Variants in COL23A1 observed in about 807,000 individuals in gnomAD.
COL23A1 encodes collagen type XXIII alpha 1 chain.
Under a neutral mutation model 99.3 loss-of-function variants are expected in COL23A1, and 97 were observed. The observed-to-expected ratio is 0.98, with a 90% CI of 0.83 to 1.16. The LOEUF (loss-of-function observed/expected upper bound fraction) is 1.16, where lower values mean the gene tolerates loss of function less well. Among genes scored for constraint, COL23A1 ranks in the 50% most tolerant of loss-of-function variants. COL23A1 has a pLI of 0.00. For synonymous variants in COL23A1, 320 were observed against 308.2 expected (o/e 1.04, Z -0.40); for missense variants, 762 against 757.4 (o/e 1.01, Z -0.07).
chr5:178,306,407 T>C lies in COL23A1; in HGVS notation c.406+468A>G, dbSNP rs149108982. On this transcript the variant is annotated intron_variant, in intron 3 of 28. Transcript: ENST00000390654. This position sits in a 1 kb window ranked among gnomAD's most constrained non-coding sequence, Gnocchi z 4.1. ...GACAGCAGGAAGGAAGGGTGGTGAATACAGGTGCCTCTGTGGGCTGCAGGG... is the reference window on the plus strand; with the variant it reads ...GACAGCAGGAAGGAAGGGTGGTGAACACAGGTGCCTCTGTGGGCTGCAGGG... Among the ~76,000 whole-genome samples, 24 of 151,404 alleles carry C rather than the reference T, an allele frequency of 1.6e-4. No homozygotes were observed. In the East Asian group the frequency reaches 4.1e-3, roughly 26 times the overall value.
chr5:178,488,116 G>A (rs1277907870), intron 2 of COL23A1, among the ~76,000 whole-genome samples: 1 of 152,176 alleles, frequency 6.6e-6, no homozygotes, highest in East Asian at 1.9e-4. Flanking sequence ...GAGCACTCCG[G>A]GGAGCTATTG....
At chr5:178,296,096 A>T (rs1012725391) in intron 3 of COL23A1, among the ~76,000 whole-genome samples, 3 of 152,244 alleles carry the variant, frequency 2.0e-5, no homozygotes, top group African/African-American at 7.2e-5. Flanking sequence ...CAGTGGCTGG[A>T]GAAAGCTCTG....
intron 1 of COL23A1, among the ~76,000 whole-genome samples, chr5:178,572,072 CAA>C (rs57863132): frequency 6.4e-5 from 7 of 109,436 alleles, no homozygotes; most frequent in Admixed American, 9.6e-5. Context: ...TTTCTCAAAA[CAA>C]AAAAAAAAAA....
intron 2 of COL23A1, among the ~76,000 whole-genome samples, chr5:178,319,032 C>A (rs1259415099): frequency 6.6e-6 from 1 of 152,148 alleles, no homozygotes; most frequent in Admixed American, 6.5e-5. Context: ...GGCAGCAGGA[C>A]TGCTGGTACC....
intron 2 of COL23A1, among the ~76,000 whole-genome samples, chr5:178,348,575 G>T (rs968993188): frequency 4.6e-5 from 7 of 152,216 alleles, no homozygotes; most frequent in African/African-American, 1.7e-4. Context: ...CGGCTTCCCT[G>T]CTAACAAAGT....
intron 5 of COL23A1, among the ~76,000 whole-genome samples, chr5:178,285,297 C>A (rs1319593055): frequency 6.6e-6 from 1 of 152,170 alleles, no homozygotes; most frequent in African/African-American, 2.4e-5. Context: ...CAGACTCTAT[C>A]CTTGCTCTTA....
intron 3 of COL23A1, among the ~76,000 whole-genome samples, chr5:178,292,153 C>G (rs895553328): frequency 6.6e-6 from 1 of 152,160 alleles, no homozygotes; most frequent in African/African-American, 2.4e-5. Context: ...GCAACTATGC[C>G]TATACCTGTA....
chr5:178,483,548 C>T (rs623727), intron 2 of COL23A1, among the ~76,000 whole-genome samples: 5,405 of 152,274 alleles, frequency 0.035, 286 homozygotes, highest in African/African-American at 0.11. Flanking sequence ...TTATGAGTTC[C>T]AGTCTTTAAA....
chr5:178,516,143 C>G (rs922824000), intron 2 of COL23A1, among the ~76,000 whole-genome samples: 2 of 152,234 alleles, frequency 1.3e-5, no homozygotes, highest in African/African-American at 4.8e-5. Context: ...ATTTCCACCA[C>G]CCTACCCCTC....
chr5:178,415,276 C>A lies in COL23A1; in HGVS notation c.362-108357G>T, dbSNP rs772036456. 6.6e-6 allele frequency among the ~76,000 whole-genome samples: 1 copy of A among 152,202 alleles called. No individual in the cohort carries two copies. The highest frequency in any genetic ancestry group is 2.4e-5 in the African/African-American group (1 of 41,452). ...AGTTACAGTGCTCAGTGGGGACGAG[C>A]CCGCCTTGCTGGGTGAGTGACGTGG... On this transcript the variant is annotated intron_variant, in intron 2 of 28. Coordinates refer to ENST00000390654, the MANE Select transcript of COL23A1 (RefSeq NM_173465.4). The surrounding 1 kb of genome is among the most constrained non-coding windows in gnomAD (Gnocchi z 4.6).
At chr5:178,385,485 G>T (rs942282186) in intron 2 of COL23A1, among the ~76,000 whole-genome samples, 10 of 152,166 alleles carry the variant, frequency 6.6e-5, no homozygotes, top group East Asian at 1.9e-4. Flanking sequence ...GTGCAGCCAG[G>T]CTCCAGACTG....
intron 2 of COL23A1, among the ~76,000 whole-genome samples, chr5:178,549,224 C>A (rs1176510778): frequency 6.6e-6 from 1 of 151,912 alleles, no homozygotes; most frequent in African/African-American, 2.4e-5. Context: ...GAACTCCTGA[C>A]CTCAGGTTAT....
chr5:178,476,516 T>C (rs1018670575), intron 2 of COL23A1, among the ~76,000 whole-genome samples: 1 of 152,186 alleles, frequency 6.6e-6, no homozygotes, highest in African/African-American at 2.4e-5. Flanking sequence ...AACATAATCA[T>C]GAGAGTAATA....
chr5:178,265,636 C>A, intron 8 of COL23A1: 1 of 982,186 alleles, frequency 1.0e-6, no homozygotes, highest in Non-Finnish European at 1.2e-6. Context: ...AGGTCCAGAC[C>A]CCCACTCAGC....
chr5:178,402,295 A>C, intron 2 of COL23A1, among the ~76,000 whole-genome samples: 1 of 151,920 alleles, frequency 6.6e-6, no homozygotes, highest in East Asian at 1.9e-4. Flanking sequence ...GTTGGAGGCC[A>C]GCCTGGACAA....
chr5:178,503,239 A>C (rs1758673282), intron 2 of COL23A1, among the ~76,000 whole-genome samples: 1 of 152,170 alleles, frequency 6.6e-6, no homozygotes, highest in Non-Finnish European at 1.5e-5. Flanking sequence ...GAATTAGCCA[A>C]GCGTGGTGGC....
chr5:178,548,667 G>C (rs1410151365), intron 2 of COL23A1, among the ~76,000 whole-genome samples: 1 of 150,580 alleles, frequency 6.6e-6, no homozygotes, highest in African/African-American at 2.5e-5. Context: ...TTCTTTACTA[G>C]AGCCTCTGGC....
At chr5:178,497,938 C>T (rs1171762835) in intron 2 of COL23A1, among the ~76,000 whole-genome samples, 2 of 151,550 alleles carry the variant, frequency 1.3e-5, no homozygotes, top group African/African-American at 4.8e-5. Flanking sequence ...TATAAATTTC[C>T]TATGACCAAG....
At chr5:178,449,715 C>T (rs988269291) in intron 2 of COL23A1, among the ~76,000 whole-genome samples, 2 of 151,988 alleles carry the variant, frequency 1.3e-5, no homozygotes, top group African/African-American at 2.4e-5. Context: ...AGAAGTGGCC[C>T]GAGACACAGC....
Sources: allele counts gnomAD v4.1 joint callset (sites outside exome capture counted in the v4.1 genomes callset), GRCh38; gene constraint gnomAD v4.1.1; non-coding constraint Gnocchi (gnomAD v3.1); transcripts MANE v1.5; gene names NCBI Gene and HGNC (gene_info 2026-07-23, HGNC 2026-07-21).